ZC2HC1A: variants seen among roughly 807,000 people sequenced by gnomAD.
ZC2HC1A encodes zinc finger C2HC-type containing 1A.
ZC2HC1A carries 28 observed loss-of-function variants against 40.7 expected under a neutral mutation model. The observed-to-expected ratio is 0.69, with a 90% confidence interval of 0.51 to 0.94. The LOEUF (loss-of-function observed/expected upper bound fraction) is 0.94, where lower values mean the gene tolerates loss of function less well. ZC2HC1A is among the 40% of genes least tolerant of loss of function. The pLI is 0.00. For missense variants in ZC2HC1A, 389 were observed against 386.3 expected, an observed-to-expected ratio of 1.01 and a Z score of -0.06; for synonymous variants, 129 against 129.2, an observed-to-expected ratio of 1.00 and a Z score of 0.01.
At chr8:78,687,745 AC>A (rs1810055739) in intron 4 of ZC2HC1A, among the ~76,000 whole-genome samples, 4 of 67,790 alleles carry the variant, frequency 5.9e-5, no homozygotes, top group Non-Finnish European at 1.0e-4. Context: ...TTTATGTAAT[AC>A]ATTATATATA....
At chr8:78,699,212 A>G (rs1382734972) in intron 7 of ZC2HC1A, among the ~76,000 whole-genome samples, 1 of 152,062 alleles carries the variant, frequency 6.6e-6, no homozygotes, top group Non-Finnish European at 1.5e-5. Context: ...ATCCTTTTTT[A>G]TATTTTTCTA....
chr8:78,715,154 A>G, intron 7 of ZC2HC1A, 67 bp from the exon 8 acceptor site: 1 of 1,360,532 alleles, frequency 7.4e-7, no homozygotes, highest in South Asian at 1.3e-5. Flanking sequence ...AGTCATGTGA[A>G]TAGGTAATTT....
intron 4 of ZC2HC1A, among the ~76,000 whole-genome samples, 176 bp from the exon 5 acceptor site, chr8:78,689,046 T>TC (rs1810120199): frequency 6.6e-6 from 1 of 151,812 alleles, no homozygotes; most frequent in Admixed American, 6.6e-5. Flanking sequence ...TTTTTTTTTT[T>TC]TAACTCTTTA....
Position 78,697,433 on chromosome 8 carries a change from A to C in ZC2HC1A, c.531A>C (p.Ser177=), listed in dbSNP as rs770560148. Residue 177 remains serine (S), a synonymous_variant, in exon 6 of 9, where the codon TCA becomes TCC. Transcript: ENST00000263849. ...QVYKPPALKK[S]NSPGTASSGS... ...ATAAGCCACCCGCACTTAAAAAGTCAAATTCTCCTGGAACTGCATCATCAG... is the reference window on the plus strand; with the variant it reads ...ATAAGCCACCCGCACTTAAAAAGTCCAATTCTCCTGGAACTGCATCATCAG... 1 of 1,603,716 alleles carries C rather than the reference A, an allele frequency of 6.2e-7. No individual in the cohort carries two copies. Among genetic ancestry groups the C allele is most frequent in the Non-Finnish European group, 8.5e-7 (1 of 1,176,998 alleles).
chr8:78,701,860 G>A (rs1586017726), intron 7 of ZC2HC1A, among the ~76,000 whole-genome samples: 1 of 152,214 alleles, frequency 6.6e-6, no homozygotes, highest in Non-Finnish European at 1.5e-5. Context: ...TGGTGGATAA[G>A]CTTGTTGATG....
chr8:78,669,776 A>G (rs772859771), intron 1 of ZC2HC1A, among the ~76,000 whole-genome samples: 4 of 152,120 alleles, frequency 2.6e-5, no homozygotes, highest in African/African-American at 4.8e-5. Flanking sequence ...GGTTATCACC[A>G]TGTAACATTT....
intron 7 of ZC2HC1A, among the ~76,000 whole-genome samples, chr8:78,699,715 C>G (rs976700816): frequency 1.3e-5 from 2 of 152,092 alleles, no homozygotes; most frequent in African/African-American, 2.4e-5. Context: ...TGAGAACATG[C>G]AGTATTTGGT....
intron 7 of ZC2HC1A, among the ~76,000 whole-genome samples, chr8:78,708,996 T>C (rs561488865): frequency 6.6e-6 from 1 of 152,284 alleles, no homozygotes; most frequent in East Asian, 1.9e-4. Context: ...ACCAGGAAAT[T>C]TTAGAAATAC....
intron 5 of ZC2HC1A, among the ~76,000 whole-genome samples, chr8:78,694,024 T>G (rs1810311807): frequency 6.6e-6 from 1 of 152,240 alleles, no homozygotes; most frequent in Non-Finnish European, 1.5e-5. Context: ...GTCAGGTTTG[T>G]CAAAGATCAG....
chr8:78,717,466 A>G lies in ZC2HC1A; in HGVS notation c.951A>G (p.Glu317=), dbSNP rs769574487. 1.3e-6 allele frequency: 2 copies of G among 1,590,174 alleles called. No homozygotes were observed. Among genetic ancestry groups the G allele is most frequent in the East Asian group, 2.3e-5 (1 of 44,386 alleles). Reference sequence around the variant, plus strand: ...TAGAATGGGCCAAATTTTGCTGTGAATGTGGCATTCGAAGAATGATTCTAT... The same window carrying G: ...TAGAATGGGCCAAATTTTGCTGTGAGTGTGGCATTCGAAGAATGATTCTAT... The part of the protein sequence containing the change: ...YPVEWAKFCC[E]CGIRRMIL Residue 317 remains glutamate (E), a synonymous_variant, in exon 9 of 9, where the codon GAA becomes GAG. Coordinates refer to ENST00000263849, the MANE Select transcript of ZC2HC1A (RefSeq NM_016010.3).
At chr8:78,674,897 T>C (rs2130426651) in intron 1 of ZC2HC1A, among the ~76,000 whole-genome samples, 1 of 152,214 alleles carries the variant, frequency 6.6e-6, no homozygotes, top group African/African-American at 2.4e-5. Flanking sequence ...GATAAAAGAA[T>C]TTTAGCATCT....
At chr8:78,707,238 T>A (rs999539663) in intron 7 of ZC2HC1A, among the ~76,000 whole-genome samples, 1 of 152,248 alleles carries the variant, frequency 6.6e-6, no homozygotes, top group Non-Finnish European at 1.5e-5. Context: ...AAGCTGATAT[T>A]TTTCAGTATT....
intron 8 of ZC2HC1A, among the ~76,000 whole-genome samples, chr8:78,716,553 C>CA (rs1811111875): frequency 6.6e-6 from 1 of 152,158 alleles, no homozygotes; most frequent in South Asian, 2.1e-4. Context: ...AGCATCACCT[C>CA]ACAATCCTTG....
At chr8:78,712,421 ATAG>A (rs1403438303) in intron 7 of ZC2HC1A, among the ~76,000 whole-genome samples, 4 of 152,006 alleles carry the variant, frequency 2.6e-5, no homozygotes, top group African/African-American at 4.8e-5. Flanking sequence ...GTTTTTTGTA[ATAG>A]TAGTTTTAAA....
At chr8:78,711,970 A>G in intron 7 of ZC2HC1A, 1 of 1,272,544 alleles carries the variant, frequency 7.9e-7, no homozygotes. Flanking sequence ...TTATGGGTAC[A>G]CCTTTATATA....
rs142583110 is a variant in ZC2HC1A, at chr8:78,711,400, A to T, written c.705-3821A>T. Among the ~76,000 whole-genome samples, 997 of 151,878 alleles carry T rather than the reference A, an allele frequency of 6.6e-3. 12 individuals carry two copies. Among genetic ancestry groups the T allele is most frequent in the African/African-American group, 0.022 (904 of 41,458 alleles). ...TGTGTGTATATATAGGCCCCTTACC[A>T]TTATTATATGTGATTTTTAGAATTG... On this transcript the variant is annotated intron_variant, in intron 7 of 8. Coordinates refer to ENST00000263849, the MANE Select transcript of ZC2HC1A (RefSeq NM_016010.3).
At chr8:78,715,841 A>G (rs1267490562) in intron 8 of ZC2HC1A, among the ~76,000 whole-genome samples, 1 of 151,884 alleles carries the variant, frequency 6.6e-6, no homozygotes, top group African/African-American at 2.4e-5. Context: ...GGAGTTTGAG[A>G]CTAGCCTGGC....
At chr8:78,706,455 G>A in intron 7 of ZC2HC1A, among the ~76,000 whole-genome samples, 1 of 152,102 alleles carries the variant, frequency 6.6e-6, no homozygotes, top group Admixed American at 6.6e-5. Context: ...TAGTGGAGTG[G>A]CTTCACAAGG....
intron 8 of ZC2HC1A, among the ~76,000 whole-genome samples, chr8:78,717,020 A>ATT (rs1197372125): frequency 2.6e-5 from 4 of 151,846 alleles, no homozygotes; most frequent in African/African-American, 7.3e-5. Context: ...AGTCAGTTAA[A>ATT]CCTCTTTTCT....
Sources: gnomAD v4.1 joint callset for allele counts (sites outside exome capture counted in the v4.1 genomes callset) on GRCh38, gnomAD v4.1.1 for gene constraint, MANE v1.5 for transcripts, NCBI Gene and HGNC (gene_info 2026-07-23, HGNC 2026-07-21) for gene names.